The following FLI1 variants were observed in gnomAD, a reference collection of about 807,000 sequenced individuals.
FLI1 encodes the protein Fli-1 proto-oncogene, ETS transcription factor.
FLI1 carries 13 observed loss-of-function variants against 53.1 expected under a neutral mutation model. That is an observed-to-expected ratio of 0.24 (90% confidence interval 0.16 to 0.39). The LOEUF is 0.39. FLI1 is among the 10% of genes least tolerant of loss of function. The pLI is 1.00. For missense variants in FLI1, 424 were observed against 600.5 expected (o/e 0.71, Z 3.07); for synonymous variants, 244 against 236.7 (o/e 1.03, Z -0.28).
intron 2 of FLI1, among the ~76,000 whole-genome samples, chr11:128,761,026 T>C (rs1368587274): frequency 6.6e-6 from 1 of 152,192 alleles, no homozygotes; most frequent in African/African-American, 2.4e-5. Context: ...GTAATCCTCT[T>C]GCTCAAAACT....
intron 1 of FLI1, among the ~76,000 whole-genome samples, chr11:128,715,879 C>T (rs1938988308): frequency 6.6e-6 from 1 of 152,150 alleles, no homozygotes; most frequent in Non-Finnish European, 1.5e-5. Flanking sequence ...ATTTCCAGGA[C>T]AAAGGAAATT....
intron 1 of FLI1, among the ~76,000 whole-genome samples, chr11:128,706,676 A>G (rs1422575826): frequency 1.3e-5 from 2 of 152,192 alleles, no homozygotes; most frequent in Non-Finnish European, 1.5e-5. Context: ...ATCAAGGCTC[A>G]TTTAACCCAC....
chr11:128,772,165 C>T (rs914759847), intron 3 of FLI1, among the ~76,000 whole-genome samples: 5 of 152,092 alleles, frequency 3.3e-5, no homozygotes, highest in Non-Finnish European at 7.4e-5. Flanking sequence ...CACTCAAGAG[C>T]TAAAATGTTC....
intron 1 of FLI1, among the ~76,000 whole-genome samples, chr11:128,696,207 C>T (rs1260754889): frequency 1.3e-5 from 2 of 152,174 alleles, no homozygotes; most frequent in African/African-American, 4.8e-5. Flanking sequence ...GCCATGAGCT[C>T]CTCCAAACCC....
chr11:128,732,819 C>T (rs1485392241), intron 1 of FLI1, among the ~76,000 whole-genome samples: 1 of 152,186 alleles, frequency 6.6e-6, no homozygotes, highest in Non-Finnish European at 1.5e-5. Flanking sequence ...GCTTGACATG[C>T]CCTTGTTTTG....
chr11:128,765,433 C>T (rs1046646617), intron 2 of FLI1, among the ~76,000 whole-genome samples: 7 of 152,148 alleles, frequency 4.6e-5, no homozygotes, highest in Admixed American at 6.5e-5. Context: ...CCCAGGGGCC[C>T]GGCTGATGTG....
At chr11:128,728,493 A>G (rs1336913564) in intron 1 of FLI1, among the ~76,000 whole-genome samples, 1 of 152,210 alleles carries the variant, frequency 6.6e-6, no homozygotes, top group Non-Finnish European at 1.5e-5. Flanking sequence ...ACGCTTGGAC[A>G]CTTTTTGAAC....
intron 5 of FLI1, among the ~76,000 whole-genome samples, chr11:128,798,624 A>G (rs1942516385): frequency 6.6e-6 from 1 of 152,152 alleles, no homozygotes; most frequent in Non-Finnish European, 1.5e-5. Flanking sequence ...CCTTGAGCAA[A>G]GGAAACCTGA....
At chr11:128,733,139 G>A (rs1591762784) in intron 1 of FLI1, among the ~76,000 whole-genome samples, 1 of 151,120 alleles carries the variant, frequency 6.6e-6, no homozygotes, top group South Asian at 2.1e-4. Context: ...GCACAATGCA[G>A]TCTGCAGCGT....
intron 1 of FLI1, among the ~76,000 whole-genome samples, chr11:128,750,104 C>T (rs1367778899): frequency 2.6e-5 from 4 of 152,236 alleles, no homozygotes; most frequent in Non-Finnish European, 5.9e-5. Context: ...AAAGCCAAAA[C>T]TAGCGTGCTC....
At chr11:128,685,480 GTCT>G (rs1286891123), upstream of FLI1, among the ~76,000 whole-genome samples, 86 of 151,922 alleles carry the variant, frequency 5.7e-4, 1 homozygote, top group Non-Finnish European at 2.9e-5. Flanking sequence ...GGACTTTGGG[GTCT>G]TCTCCTTTCT....
intron 1 of FLI1, among the ~76,000 whole-genome samples, chr11:128,740,684 GT>G (rs899924834): frequency 6.6e-6 from 1 of 152,226 alleles, no homozygotes; most frequent in Admixed American, 6.5e-5. Context: ...TGACAGCAAT[GT>G]TTTAGATCAG....
At chr11:128,688,040 G>A (rs922243427) in intron 1 of FLI1, among the ~76,000 whole-genome samples, 16 of 152,180 alleles carry the variant, frequency 1.1e-4, no homozygotes, top group Non-Finnish European at 1.9e-4. Flanking sequence ...AGAGTACTCG[G>A]GTACTCCCAC....
At chr11:128,737,091 CT>C (rs1272356352) in intron 1 of FLI1, among the ~76,000 whole-genome samples, 3 of 152,210 alleles carry the variant, frequency 2.0e-5, no homozygotes, top group African/African-American at 7.2e-5. Context: ...TGCAGTAGAT[CT>C]AACTCAAGTG....
intron 5 of FLI1, among the ~76,000 whole-genome samples, chr11:128,787,638 T>C (rs150054147): frequency 2.0e-5 from 3 of 152,320 alleles, no homozygotes; most frequent in African/African-American, 7.2e-5. Flanking sequence ...TAAATGAGGA[T>C]AATTGTAGTG....
At chr11:128,722,530 G>A (rs538681149) in intron 1 of FLI1, among the ~76,000 whole-genome samples, 1 of 152,352 alleles carries the variant, frequency 6.6e-6, no homozygotes, top group Admixed American at 6.5e-5. Flanking sequence ...AGGCAATGCA[G>A]CTTTGTCTGC....
At chr11:128,795,458 T>C (rs577832312) in intron 5 of FLI1, among the ~76,000 whole-genome samples, 1 of 152,330 alleles carries the variant, frequency 6.6e-6, no homozygotes, top group Non-Finnish European at 1.5e-5. Context: ...AAATTAGCTT[T>C]GGTTGACACA....
intron 1 of FLI1, among the ~76,000 whole-genome samples, chr11:128,738,837 A>G (rs1212997667): frequency 1.3e-5 from 2 of 152,178 alleles, no homozygotes; most frequent in Non-Finnish European, 2.9e-5. Flanking sequence ...CAAAAAACCC[A>G]AGCAAAGCAA....
chr11:128,791,935 G>A (rs1487692720), intron 5 of FLI1, among the ~76,000 whole-genome samples: 3 of 152,202 alleles, frequency 2.0e-5, no homozygotes, highest in Non-Finnish European at 4.4e-5. Flanking sequence ...GCCAAGCCGA[G>A]GAAAGGTGAC....
Sources: gnomAD v4.1 joint callset for allele counts (sites outside exome capture counted in the v4.1 genomes callset) on GRCh38, gnomAD v4.1.1 for gene constraint, MANE v1.5 for transcripts, NCBI Gene and HGNC (gene_info 2026-07-23, HGNC 2026-07-21) for gene names.